BST1: variants seen among roughly 807,000 people sequenced by gnomAD.
BST1 encodes the protein ADP-ribosyl cyclase/cyclic ADP-ribose hydrolase 2.
A neutral mutation model predicts 40.6 loss-of-function variants in BST1; 49 were observed. The observed-to-expected ratio is 1.21, with a 90% CI of 0.96 to 1.53. BST1 has a LOEUF of 1.53. Among genes scored for constraint, BST1 ranks in the 40% most tolerant of loss-of-function variants. BST1 has a pLI of 0.00. For synonymous variants in BST1, 157 were observed against 159.3 expected, an observed-to-expected ratio of 0.99 and a Z score of 0.11; for missense variants, 423 against 395.9, an observed-to-expected ratio of 1.07 and a Z score of -0.58.
chr4:15,743,835 G>A, the BST1 span, among the ~76,000 whole-genome samples: 5 of 152,206 alleles, frequency 3.3e-5, no homozygotes, highest in Non-Finnish European at 7.3e-5. Context: ...ATGGGAGCCA[G>A]GACTGATAGG....
chr4:15,735,825 A>G (rs888892674), downstream of BST1, among the ~76,000 whole-genome samples: 12 of 152,206 alleles, frequency 7.9e-5, no homozygotes, highest in African/African-American at 2.9e-4. Flanking sequence ...CTGCGACTCA[A>G]TTAGAGAAAT....
chr4:15,705,103 C>A, intron 1 of BST1: 1 of 669,892 alleles, frequency 1.5e-6, no homozygotes. Context: ...TCCCTCCTAA[C>A]ACTACACATC....
chr4:15,729,091 G>A (rs1486018358), intron 8 of BST1, among the ~76,000 whole-genome samples: 2 of 152,134 alleles, frequency 1.3e-5, no homozygotes, highest in Admixed American at 1.3e-4. Context: ...AATTGAGAAA[G>A]TTTTGCTAAT....
chr4:15,711,287 T>C (rs1720187538), intron 3 of BST1, among the ~76,000 whole-genome samples: 1 of 152,216 alleles, frequency 6.6e-6, no homozygotes, highest in Non-Finnish European at 1.5e-5. Flanking sequence ...TCCTTAAACA[T>C]TGTAAAATGT....
At chr4:15,730,820 T>C (rs985475464) in intron 8 of BST1, 17 of 161,938 alleles carry the variant, frequency 1.0e-4, no homozygotes, top group Non-Finnish European at 2.1e-4. Flanking sequence ...TGGTTTTCTA[T>C]GGAAAGTGCA....
chr4:15,707,389 G>T, intron 2 of BST1, 122 bp from the exon 3 acceptor site: 1 of 1,091,052 alleles, frequency 9.2e-7, no homozygotes, highest in Admixed American at 2.0e-5. Context: ...ACGTTCAGTT[G>T]TTGTGCAGCA....
At chr4:15,713,260 A>G (rs1321651733) in intron 4 of BST1, among the ~76,000 whole-genome samples, 2 of 129,342 alleles carry the variant, frequency 1.5e-5, no homozygotes, top group African/African-American at 3.0e-5. Context: ...ATCTTGGCTC[A>G]CTGCAACCTC....
At chr4:15,750,099 T>G in the BST1 span, among the ~76,000 whole-genome samples, 172 of 152,206 alleles carry the variant, frequency 1.1e-3, no homozygotes, top group African/African-American at 3.9e-3. Context: ...TTGCTCTTGC[T>G]GCCCAACCTC....
rs763022285 is a variant in BST1 at position 15,707,510 on chromosome 4, G to A, written c.316-1G>A. 6.2e-7 allele frequency: 1 copy of A among 1,608,864 alleles called. No individual in the cohort carries two copies. Among genetic ancestry groups the A allele is most frequent in the East Asian group, 2.2e-5 (1 of 44,458 alleles). On this transcript the variant is annotated splice_acceptor_variant, in intron 2 of 8. Transcript: ENST00000265016. LOFTEE classifies it high-confidence loss of function. ...TTGATGTTTTGTTTGTCTTTCCTTA[G>A]TCCCTGTTCTGGGAAAATAGCCACC...
intron 4 of BST1, among the ~76,000 whole-genome samples, chr4:15,713,451 T>G (rs1720332174): frequency 1.3e-5 from 2 of 152,172 alleles, no homozygotes; most frequent in Admixed American, 1.3e-4. Flanking sequence ...CCCAAAGTGC[T>G]AGGATTACAG....
chr4:15,749,332 A>G, the BST1 span, among the ~76,000 whole-genome samples: 1 of 152,202 alleles, frequency 6.6e-6, no homozygotes, highest in African/African-American at 2.4e-5. Flanking sequence ...ACTTTCTGCT[A>G]CGAGCGGGTT....
intron 3 of BST1, among the ~76,000 whole-genome samples, chr4:15,708,926 TC>T (rs1720037720): frequency 6.6e-6 from 1 of 152,172 alleles, no homozygotes; most frequent in African/African-American, 2.4e-5. Context: ...TTATTTCTCC[TC>T]CATTCATTTG....
intron 8 of BST1, among the ~76,000 whole-genome samples, chr4:15,729,464 A>T (rs930494857): frequency 6.6e-6 from 1 of 152,064 alleles, no homozygotes; most frequent in Non-Finnish European, 1.5e-5. Flanking sequence ...CTCAAAGAAT[A>T]ATAATAATAA....
downstream of BST1, among the ~76,000 whole-genome samples, chr4:15,735,679 C>T (rs1054236282): frequency 1.3e-5 from 2 of 152,114 alleles, no homozygotes; most frequent in Admixed American, 6.5e-5. Context: ...GTCTCAGGAC[C>T]GTCTGGCTCC....
At chr4:15,718,701 G>A (rs1214270363) in intron 6 of BST1, among the ~76,000 whole-genome samples, 1 of 152,122 alleles carries the variant, frequency 6.6e-6, no homozygotes, top group African/African-American at 2.4e-5. Flanking sequence ...CTTCAGGCCC[G>A]GTGCTGGGGT....
the BST1 span, among the ~76,000 whole-genome samples, chr4:15,757,407 C>G: frequency 2.0e-5 from 3 of 152,024 alleles, no homozygotes; most frequent in East Asian, 5.8e-4. Context: ...TTTTTGGGCC[C>G]AAGGTCAAAT....
chr4:15,760,549 G>A, the BST1 span, among the ~76,000 whole-genome samples: 1 of 151,846 alleles, frequency 6.6e-6, no homozygotes, highest in East Asian at 1.9e-4. Context: ...TTTGTTCATC[G>A]CTGATCCAGT....
At chr4:15,751,053 G>A in the BST1 span, among the ~76,000 whole-genome samples, 31,031 of 152,078 alleles carry the variant, frequency 0.2, 3,967 homozygotes, top group Admixed American at 0.34. Flanking sequence ...ACATTTAATT[G>A]AGAAGACAGG....
At chr4:15,724,990 C>T (rs553814860) in intron 8 of BST1, among the ~76,000 whole-genome samples, 1 of 152,110 alleles carries the variant, frequency 6.6e-6, no homozygotes, top group East Asian at 1.9e-4. Flanking sequence ...TTCAACTGGG[C>T]GTGGCAGAGT....
Sources: allele counts gnomAD v4.1 joint callset (sites outside exome capture counted in the v4.1 genomes callset), GRCh38; gene constraint gnomAD v4.1.1; transcripts MANE v1.5; gene names NCBI Gene and HGNC (gene_info 2026-07-23, HGNC 2026-07-21).